Variants in GLS observed in about 807,000 individuals in gnomAD.
GLS encodes the protein glutaminase kidney isoform, mitochondrial.
A neutral mutation model predicts 86.7 loss-of-function variants in GLS; 36 were observed. The observed-to-expected ratio is 0.42, with a 90% confidence interval of 0.32 to 0.55. The LOEUF (loss-of-function observed/expected upper bound fraction) is 0.55. Among genes scored for constraint, GLS ranks in the 20% least tolerant of loss-of-function variants. The pLI is 0.17. For synonymous variants in GLS, 317 were observed against 305.9 expected (o/e 1.04, Z -0.38); for missense variants, 528 against 833.4 (o/e 0.63, Z 4.51).
chr2:190,886,887 G>C (rs1688400097), intron 1 of GLS, among the ~76,000 whole-genome samples: 1 of 146,744 alleles, frequency 6.8e-6, no homozygotes, highest in Admixed American at 6.9e-5. Context: ...CTGCACTCCA[G>C]CCTGGGTGAC....
At position 190,921,345 on chromosome 2, in the gene GLS, C is replaced by T. The variant is rs187991113; in HGVS notation, c.1130+142C>T. ...TTAAAAATACTTTAAATAGTTTTGA[C>T]AAATTTCTTACAGGTAATCATACAA... is the stretch of plus-strand genomic sequence containing the variant. On this transcript the variant is annotated intron_variant, in intron 9 of 17. Transcript: ENST00000320717. The surrounding 1 kb of genome is among the most constrained non-coding windows in gnomAD (Gnocchi z 4.2). 45 of 660,624 alleles carry T rather than the reference C, an allele frequency of 6.8e-5. No individual in the cohort carries two copies. The African/African-American group carries it at 7.1e-4, about 10-fold the overall frequency. The allele number at this position is 660,624 out of a possible 1,614,324, so 40.9% of individuals were successfully genotyped here.
chr2:190,913,105 G>A lies in GLS; in HGVS notation c.1038+2784G>A. The A allele has an allele frequency of 8.5e-7, 1 of 1,175,664 alleles. No homozygotes were observed. The highest frequency in any genetic ancestry group is 1.1e-6 in the Non-Finnish European group (1 of 875,530). The allele number at this position is 1,175,664 out of a possible 1,614,324, so 72.8% of individuals were successfully genotyped here. A position where few individuals can be genotyped will look rare whatever the true frequency, so the allele number is the denominator to read the frequency against. ...GTGCCATTAAAATCATTTTCTTCATGTTAATCCCCCCACCCCAAAATTAAG... is the reference window on the plus strand; with the variant it reads ...GTGCCATTAAAATCATTTTCTTCATATTAATCCCCCCACCCCAAAATTAAG... On this transcript the variant is annotated intron_variant, in intron 7 of 17. Transcript: ENST00000320717. The surrounding 1 kb of genome is among the most constrained non-coding windows in gnomAD (Gnocchi z 6.1).
intron 6 of GLS, among the ~76,000 whole-genome samples, chr2:190,909,213 A>AG (rs1178339251): frequency 2.7e-5 from 3 of 112,748 alleles, no homozygotes; most frequent in Non-Finnish European, 7.2e-5. Flanking sequence ...TTTAATTGAC[A>AG]GATAAAAATT....
At chr2:190,925,213 A>AT (rs1671512771) in intron 11 of GLS, among the ~76,000 whole-genome samples, 1 of 152,052 alleles carries the variant, frequency 6.6e-6, no homozygotes, top group Non-Finnish European at 1.5e-5. Flanking sequence ...GAAAAGCTTT[A>AT]TTTTTTATTT....
rs1008359873 is a variant in GLS at position 190,914,402 on chromosome 2, ACTT to A, written c.1038+4085_1038+4087del. ...AAGACAGGATTATATTGGTTTATTTACTTCTTGTTTATATCAGTTTATGCTTTA... is the reference window on the plus strand; with the variant it reads ...AAGACAGGATTATATTGGTTTATTTACTTGTTTATATCAGTTTATGCTTTA... On this transcript the variant is annotated intron_variant, in intron 7 of 17. Transcript: ENST00000320717. This position sits in a 1 kb window ranked among gnomAD's most constrained non-coding sequence, Gnocchi z 4.4. 6.7e-6 allele frequency among the ~76,000 whole-genome samples: 1 copy of A among 150,312 alleles called. No homozygotes were observed. Among genetic ancestry groups the A allele is most frequent in the Non-Finnish European group, 1.5e-5 (1 of 67,500 alleles).
chr2:190,937,760 T>G lies in GLS; in HGVS notation c.1650+6123T>G, dbSNP rs1690313274. Reference sequence around the variant, plus strand: ...CATAAAAAACTTTATAATGGCTTCCTGATCCATTAACCCTTAACCAAAATG... The same window carrying G: ...CATAAAAAACTTTATAATGGCTTCCGGATCCATTAACCCTTAACCAAAATG... On this transcript the variant is annotated intron_variant, in intron 14 of 17. Transcript: ENST00000320717. 1.3e-5 allele frequency among the ~76,000 whole-genome samples: 2 copies of G among 151,094 alleles called. 1 individual carries two copies. The highest frequency in any genetic ancestry group is 1.3e-4 in the Admixed American group (2 of 15,184).
At chr2:190,901,528 A>G (rs913339856) in intron 4 of GLS, among the ~76,000 whole-genome samples, 4 of 152,078 alleles carry the variant, frequency 2.6e-5, no homozygotes, top group Non-Finnish European at 4.4e-5. Flanking sequence ...AGTGTATAAC[A>G]ACTTCAGTGT....
At chr2:190,936,643 A>G (rs1690278862) in intron 14 of GLS, among the ~76,000 whole-genome samples, 1 of 151,182 alleles carries the variant, frequency 6.6e-6, no homozygotes, top group South Asian at 2.1e-4. Context: ...GTAACTAACA[A>G]TATTGGGGGA....
chr2:190,902,006 T>C lies in GLS; in HGVS notation c.795T>C (p.Val265=), dbSNP rs756770779. The C allele has an allele frequency of 2.5e-6, 4 of 1,609,222 alleles. No individual in the cohort carries two copies. Among genetic ancestry groups the C allele is most frequent in the Non-Finnish European group, 1.7e-6 (2 of 1,175,630 alleles). The change falls in exon 5 of 18, where the codon GTT becomes GTC. Residue 265 remains valine, a synonymous_variant. Coordinates refer to ENST00000320717, the MANE Select transcript of GLS (RefSeq NM_014905.5). The part of the protein sequence containing the change: ...KFSPDLWGVS[V]CTVDGQRHST... ...GTCCCGATTTGTGGGGTGTGTCTGT[T>C]TGTACAGTAGATGGACAGAGGTAAG...
rs1460933044 is a variant in GLS at position 190,913,489 on chromosome 2, T to C, written c.1038+3168T>C. The C allele has an allele frequency of 3.0e-6, 3 of 987,508 alleles. No homozygotes were observed. The highest frequency in any genetic ancestry group is 3.7e-6 in the Non-Finnish European group (3 of 819,790). 61.2% of individuals were successfully genotyped at this position (987,508 alleles called of 1,614,324 possible). A position where few individuals can be genotyped will look rare whatever the true frequency, so the allele number is the denominator to read the frequency against. On this transcript the variant is annotated intron_variant, in intron 7 of 17. Transcript: ENST00000320717. The surrounding 1 kb of genome is among the most constrained non-coding windows in gnomAD (Gnocchi z 6.1). ...TAGCTACTAACTTTAAAGGAATACT[T>C]TTTGTTGTAATCTGTTTTATTTGGG...
At chr2:190,909,186 CT>C (rs1306167216) in intron 6 of GLS, among the ~76,000 whole-genome samples, 2 of 147,652 alleles carry the variant, frequency 1.4e-5, no homozygotes, top group Non-Finnish European at 3.0e-5. Context: ...GGATATTTTT[CT>C]TTTTATTTAT....
chr2:190,942,524 A>C (rs1011440006), intron 14 of GLS, among the ~76,000 whole-genome samples: 22 of 152,154 alleles, frequency 1.4e-4, no homozygotes, highest in African/African-American at 5.3e-4. Flanking sequence ...AGAAATAGGT[A>C]AATAAGAGAT....
chr2:190,952,041 T>C (rs1192245268), intron 14 of GLS, among the ~76,000 whole-genome samples: 1 of 152,172 alleles, frequency 6.6e-6, no homozygotes, highest in East Asian at 1.9e-4. Flanking sequence ...CCCATCTCTA[T>C]AAAAAACAAC....
intron 3 of GLS, among the ~76,000 whole-genome samples, chr2:190,900,050 C>T (rs1346548710): frequency 1.3e-5 from 2 of 151,914 alleles, no homozygotes; most frequent in African/African-American, 4.8e-5. Flanking sequence ...TCATTTAAGA[C>T]ATAAATTAAT....
intron 7 of GLS, among the ~76,000 whole-genome samples, chr2:190,915,897 G>A (rs1689515707): frequency 2.0e-5 from 3 of 152,198 alleles, no homozygotes; most frequent in Admixed American, 1.3e-4. Flanking sequence ...GGAATCTTAA[G>A]TTGTCAGTCA....
chr2:190,917,009 T>A (rs894664941), intron 7 of GLS, among the ~76,000 whole-genome samples: 2 of 152,334 alleles, frequency 1.3e-5, no homozygotes, highest in African/African-American at 4.8e-5. Context: ...TGCTGAAGAT[T>A]GCGGTGGCTG....
chr2:190,953,638 G>A lies in GLS; in HGVS notation c.1712+12G>A, dbSNP rs772765467. 3.2e-6 allele frequency: 5 copies of A among 1,564,458 alleles called. No individual in the cohort carries two copies. Among genetic ancestry groups the A allele is most frequent in the South Asian group, 1.1e-5 (1 of 90,094 alleles). Reference sequence around the variant, plus strand: ...TCTGCACTTCGAAGGTATGTTTACAGGATGGATTAGCATGCACTTTACAGA... The same window carrying A: ...TCTGCACTTCGAAGGTATGTTTACAAGATGGATTAGCATGCACTTTACAGA... On this transcript the variant is annotated intron_variant, in intron 15 of 17. Transcript: ENST00000320717. This position sits in a 1 kb window ranked among gnomAD's most constrained non-coding sequence, Gnocchi z 4.0.
At position 190,881,106 on chromosome 2, in the gene GLS, G is replaced by A. The variant is rs1287743591; in HGVS notation, c.22G>A (p.Gly8Arg). 6.4e-7 allele frequency: 1 copy of A among 1,562,304 alleles called. No homozygotes were observed. The highest frequency in any genetic ancestry group is 8.6e-7 in the Non-Finnish European group (1 of 1,162,100). ...CGGCATGATGCGGCTGCGAGGCTCGGGGATGCTGCGGGACCTGCTCCTGCG... is the reference window on the plus strand; with the variant it reads ...CGGCATGATGCGGCTGCGAGGCTCGAGGATGCTGCGGGACCTGCTCCTGCG... MMRLRGS[G>R]MLRDLLLRSP... The change falls in exon 1 of 18, where the codon GGG becomes AGG. Residue 8 changes from glycine to arginine, a missense_variant. Physicochemically the swap from Gly to Arg is moderately radical, Grantham distance 125. Around this residue, in one of 4 missense-constraint regions of GLS, gnomAD observed 224 missense variants for 187.9 expected, o/e 1.19. Coordinates refer to ENST00000320717, the MANE Select transcript of GLS (RefSeq NM_014905.5).
intron 14 of GLS, among the ~76,000 whole-genome samples, chr2:190,952,209 T>C (rs1690734709): frequency 6.6e-5 from 10 of 152,138 alleles, no homozygotes. Context: ...TTAAGAAAAC[T>C]GTTCTGGACT....
Sources: gnomAD v4.1 joint callset for allele counts (sites outside exome capture counted in the v4.1 genomes callset) on GRCh38, gnomAD v4.1.1 for gene constraint, gnomAD v4.1.1 regional missense constraint, Gnocchi (gnomAD v3.1) non-coding constraint, MANE v1.5 for transcripts, NCBI Gene and HGNC (gene_info 2026-07-23, HGNC 2026-07-21) for gene names.